The following MAD1L1 variants were observed in gnomAD, a reference collection of about 807,000 sequenced individuals.
The protein encoded by MAD1L1 is mitotic spindle assembly checkpoint protein MAD1.
MAD1L1 carries 95 observed loss-of-function variants against 96.9 expected under a neutral mutation model. The ratio of observed to expected loss-of-function variants is 0.98; its 90% CI spans 0.83 to 1.16. The LOEUF is 1.16. MAD1L1 is among the 50% of genes most tolerant of loss of function. The pLI, the probability that MAD1L1 is intolerant of heterozygous loss-of-function variation, is 0.00. For synonymous variants in MAD1L1, 473 were observed against 396.6 expected (o/e 1.19, Z -2.29); for missense variants, 1,007 against 954.4 (o/e 1.06, Z -0.73).
intron 15 of MAD1L1, among the ~76,000 whole-genome samples, chr7:1,966,093 A>C (rs1583938660): frequency 1.3e-5 from 2 of 152,234 alleles, no homozygotes; most frequent in African/African-American, 4.8e-5. Flanking sequence ...ATGATAGCTA[A>C]GCTGACAGGC....
At chr7:1,967,927 C>A (rs1281748276) in intron 15 of MAD1L1, among the ~76,000 whole-genome samples, 6 of 151,950 alleles carry the variant, frequency 3.9e-5, no homozygotes, top group South Asian at 2.1e-4. Context: ...CCAGTCCACA[C>A]TGCTGGTAAT....
At chr7:2,095,314 G>A (rs1046562139) in intron 11 of MAD1L1, among the ~76,000 whole-genome samples, 4 of 152,166 alleles carry the variant, frequency 2.6e-5, no homozygotes, top group African/African-American at 9.7e-5. Context: ...AAAGTGCTGG[G>A]ATTACAGGCA....
intron 18 of MAD1L1, chr7:1,848,986 CG>C (rs998123989): frequency 3.3e-4 from 51 of 153,852 alleles, no homozygotes; most frequent in African/African-American, 1.2e-3. Context: ...ATCACACCAG[CG>C]GGGGCACAGA....
At chr7:1,839,047 C>T (rs1294361369) in intron 18 of MAD1L1, among the ~76,000 whole-genome samples, 3 of 152,134 alleles carry the variant, frequency 2.0e-5, no homozygotes, top group Non-Finnish European at 2.9e-5. Context: ...TGGCCAACCG[C>T]GGCGGGTCCC....
At chr7:1,907,813 C>T (rs536999174) in intron 17 of MAD1L1, among the ~76,000 whole-genome samples, 4 of 152,366 alleles carry the variant, frequency 2.6e-5, no homozygotes, top group African/African-American at 9.6e-5. Flanking sequence ...CACGGGTGCT[C>T]GGCGCGGGAT....
chr7:1,818,493 C>T (rs6960421), intron 18 of MAD1L1, among the ~76,000 whole-genome samples: 9,507 of 152,130 alleles, frequency 0.062, 979 homozygotes, highest in African/African-American at 0.21. Context: ...AGTGATCCAC[C>T]TCAGCCTCCT....
chr7:2,006,771 G>T (rs1328263002), intron 13 of MAD1L1, among the ~76,000 whole-genome samples: 1 of 152,192 alleles, frequency 6.6e-6, no homozygotes, highest in Non-Finnish European at 1.5e-5. Flanking sequence ...CTCTGTGTGC[G>T]CAGAGGAGGC....
intron 10 of MAD1L1, chr7:2,193,138 G>A (rs1791808280): frequency 6.6e-6 from 1 of 152,316 alleles, no homozygotes; most frequent in African/African-American, 2.4e-5. Flanking sequence ...AGGGAGGCTG[G>A]AAACCCTAAC....
intron 14 of MAD1L1, among the ~76,000 whole-genome samples, chr7:1,995,343 GA>G (rs1403887308): frequency 6.6e-6 from 1 of 152,160 alleles, no homozygotes; most frequent in Non-Finnish European, 1.5e-5. Flanking sequence ...TTCTCACCCA[GA>G]ATCACTTCCC....
chr7:1,818,311 T>C (rs904190003), intron 18 of MAD1L1, among the ~76,000 whole-genome samples: 2 of 152,100 alleles, frequency 1.3e-5, no homozygotes, highest in Non-Finnish European at 2.9e-5. Flanking sequence ...GACCAGAGAA[T>C]AGCTGTTTTC....
At chr7:2,000,040 A>G (rs1395065292) in intron 14 of MAD1L1, among the ~76,000 whole-genome samples, 1 of 152,052 alleles carries the variant, frequency 6.6e-6, no homozygotes, top group African/African-American at 2.4e-5. Flanking sequence ...CCAACAACAG[A>G]AACACCATGC....
chr7:2,021,812 G>A (rs1436786379), intron 12 of MAD1L1, among the ~76,000 whole-genome samples: 2 of 151,990 alleles, frequency 1.3e-5, no homozygotes, highest in Admixed American at 6.5e-5. Context: ...ACGAAAACTG[G>A]GGGAGATTGG....
intron 12 of MAD1L1, among the ~76,000 whole-genome samples, chr7:2,062,525 A>C (rs2128524446): frequency 6.6e-6 from 1 of 152,124 alleles, no homozygotes; most frequent in East Asian, 1.9e-4. Flanking sequence ...CAGTGAGCCG[A>C]GATCACGCGA....
Position 2,013,539 on chromosome 7 carries a change from C to T in MAD1L1, c.1359+963G>A, listed in dbSNP as rs979451424. 4.6e-5 allele frequency among the ~76,000 whole-genome samples: 7 copies of T among 152,350 alleles called. 1 individual carries two copies. Among genetic ancestry groups the T allele is most frequent in the Admixed American group, 2.6e-4 (4 of 15,306 alleles). ...CTCGTGAGCGAAATTCGGATCACAA[C>T]GGCACCCACTCCATAGGATACGGTG... On this transcript the variant is annotated intron_variant, in intron 13 of 18. Transcript: ENST00000265854.
At chr7:2,028,020 T>C (rs554779320) in intron 12 of MAD1L1, among the ~76,000 whole-genome samples, 1 of 152,274 alleles carries the variant, frequency 6.6e-6, no homozygotes, top group African/African-American at 2.4e-5. Flanking sequence ...ATAATCAAAG[T>C]CCAATTAGAT....
chr7:1,877,349 T>A (rs1178009524), intron 18 of MAD1L1, among the ~76,000 whole-genome samples: 2 of 151,910 alleles, frequency 1.3e-5, no homozygotes, highest in Admixed American at 6.6e-5. Context: ...TGATACCTGT[T>A]TCTTTACAGG....
chr7:1,881,330 G>A (rs1311264419), intron 18 of MAD1L1, among the ~76,000 whole-genome samples: 3 of 152,080 alleles, frequency 2.0e-5, no homozygotes, highest in African/African-American at 4.8e-5. Flanking sequence ...CAAGGTCATC[G>A]CCAAGGTCTG....
At chr7:2,226,850 C>T (rs545712212) in intron 3 of MAD1L1, among the ~76,000 whole-genome samples, 26 of 150,696 alleles carry the variant, frequency 1.7e-4, no homozygotes, top group African/African-American at 5.4e-4. Context: ...ATTAGCTGGT[C>T]GTGGTGGTAC....
At chr7:1,870,624 TATGCCTGCC>T in intron 18 of MAD1L1, among the ~76,000 whole-genome samples, 1 of 119,152 alleles carries the variant, frequency 8.4e-6, no homozygotes, top group Non-Finnish European at 1.7e-5. Context: ...GAACCCAACA[TATGCCTGCC>T]ACGCTGAACC....
Sources: gnomAD v4.1 joint callset for allele counts (sites outside exome capture counted in the v4.1 genomes callset) on GRCh38, gnomAD v4.1.1 for gene constraint, MANE v1.5 for transcripts, NCBI Gene and HGNC (gene_info 2026-07-23, HGNC 2026-07-21) for gene names.